BLOC1S5: variants seen among roughly 807,000 people sequenced by gnomAD.
BLOC1S5 encodes the protein biogenesis of lysosomal organelles complex 1 subunit 5, also known as biogenesis of lysosome-related organelles complex 1 subunit 5.
BLOC1S5 carries 27 observed loss-of-function variants against 24.3 expected under a neutral mutation model. That is an observed-to-expected ratio of 1.11 (90% confidence interval 0.82 to 1.53). The LOEUF is 1.53. Ranked by LOEUF, BLOC1S5 falls within the 40% of genes most tolerant of loss-of-function variation. The probability of loss-of-function intolerance (pLI) is 0.00; values close to 1 mark genes in which losing one functional copy is unlikely to be tolerated. For missense variants in BLOC1S5, 239 were observed against 229.4 expected, an observed-to-expected ratio of 1.04 and a Z score of -0.27; for synonymous variants, 84 against 74.5, an observed-to-expected ratio of 1.13 and a Z score of -0.66.
intron 4 of BLOC1S5, 28 bp from the exon 5 acceptor site, chr6:8,015,856 C>T (rs2057185): frequency 0.81 from 1,271,304 of 1,578,272 alleles, 514,846 homozygotes; most frequent in East Asian, 0.97. Flanking sequence ...GAAAGTCACA[C>T]GACATTTTCC....
intron 4 of BLOC1S5, among the ~76,000 whole-genome samples, chr6:8,016,244 T>C (rs1047834220): frequency 1.3e-5 from 2 of 151,884 alleles, no homozygotes; most frequent in African/African-American, 4.8e-5. Context: ...AAGAATCGCC[T>C]GAACCCAGAA....
chr6:8,047,239 GCT>G (rs898684317), intron 2 of BLOC1S5, among the ~76,000 whole-genome samples: 2 of 145,954 alleles, frequency 1.4e-5, no homozygotes, highest in Non-Finnish European at 3.0e-5. Context: ...ACAAGGTCTG[GCT>G]CTGTTTTCTA....
At chr6:8,018,144 T>C (rs1762805345) in intron 4 of BLOC1S5, 1 of 152,236 alleles carries the variant, frequency 6.6e-6, no homozygotes, top group East Asian at 1.9e-4. Flanking sequence ...AGTTTACTCA[T>C]CCAATAAATT....
Position 8,015,806 on chromosome 6 carries a change from G to C in BLOC1S5, c.407C>G (p.Ala136Gly). 1 of 1,611,948 alleles carries C rather than the reference G, an allele frequency of 6.2e-7. No homozygotes were observed. Among genetic ancestry groups the C allele is most frequent in the African/African-American group, 1.3e-5 (1 of 74,866 alleles). The change falls in exon 5 of 5, where the codon GCT (alanine) becomes GGT (glycine). Residue 136 changes from alanine to glycine, a missense_variant. Ala to Gly is a moderately conservative substitution (Grantham distance 60). Transcript: ENST00000397457. The part of the protein sequence containing the change: ...RKKIHSDHLV[A>G]SEKQHMLQWD... ...CTGGAGCATATGCTGTTTCTCACTA[G>C]CTACTAAGTGGTCACTATGAATCTG... is the stretch of plus-strand genomic sequence containing the variant.
intron 2 of BLOC1S5, among the ~76,000 whole-genome samples, chr6:8,044,780 G>C (rs1763821833): frequency 6.6e-6 from 1 of 152,300 alleles, no homozygotes; most frequent in South Asian, 2.1e-4. Context: ...GAACTTGAGA[G>C]AGATCATTGA....
chr6:8,059,197 A>G (rs1002454044), intron 2 of BLOC1S5, among the ~76,000 whole-genome samples: 2 of 152,250 alleles, frequency 1.3e-5, no homozygotes, highest in African/African-American at 4.8e-5. Context: ...ATCTCTGTCC[A>G]TAATGTTCAT....
chr6:8,059,940 T>C (rs991099151), intron 2 of BLOC1S5, among the ~76,000 whole-genome samples: 2 of 152,240 alleles, frequency 1.3e-5, no homozygotes, highest in African/African-American at 2.4e-5. Flanking sequence ...GTCTGTCTTA[T>C]TCACTGGCAT....
intron 4 of BLOC1S5, among the ~76,000 whole-genome samples, chr6:8,023,514 C>T (rs755026192): frequency 6.6e-6 from 1 of 151,666 alleles, no homozygotes; most frequent in Non-Finnish European, 1.5e-5. Context: ...CACTTGAACC[C>T]GGGAGGCAGA....
chr6:8,039,483 T>A (rs1223174534), intron 3 of BLOC1S5, among the ~76,000 whole-genome samples: 1 of 152,146 alleles, frequency 6.6e-6, no homozygotes, highest in Non-Finnish European at 1.5e-5. Context: ...ATATTTAAGG[T>A]GATGAATATG....
At chr6:8,029,972 A>C (rs184159343) in intron 3 of BLOC1S5, among the ~76,000 whole-genome samples, 1 of 152,342 alleles carries the variant, frequency 6.6e-6, no homozygotes, top group African/African-American at 2.4e-5. Flanking sequence ...ATCCACAAGA[A>C]ACAACAGCAA....
At chr6:8,051,968 CCTTT>C (rs1205974656) in intron 2 of BLOC1S5, among the ~76,000 whole-genome samples, 27 of 137,358 alleles carry the variant, frequency 2.0e-4, no homozygotes, top group Non-Finnish European at 3.3e-4. Context: ...AACATCCATG[CCTTT>C]TTTTTTTTTT....
intron 4 of BLOC1S5, among the ~76,000 whole-genome samples, chr6:8,021,726 A>T (rs1762922359): frequency 6.6e-6 from 1 of 152,158 alleles, no homozygotes; most frequent in Non-Finnish European, 1.5e-5. Flanking sequence ...TATGAAGGTA[A>T]ATGTTATATT....
chr6:8,023,447 G>A (rs1302355175), intron 4 of BLOC1S5, among the ~76,000 whole-genome samples: 6 of 152,114 alleles, frequency 3.9e-5, no homozygotes, highest in African/African-American at 9.7e-5. Context: ...AAAATTAGCC[G>A]TGTGTGGTGG....
intron 4 of BLOC1S5, among the ~76,000 whole-genome samples, chr6:8,018,325 T>C: frequency 6.6e-6 from 1 of 152,150 alleles, no homozygotes; most frequent in East Asian, 1.9e-4. Context: ...AAAGAAAAAA[T>C]GCAGATAAAC....
At chr6:8,043,408 T>C (rs1763759231) in intron 2 of BLOC1S5, among the ~76,000 whole-genome samples, 1 of 152,146 alleles carries the variant, frequency 6.6e-6, no homozygotes, top group South Asian at 2.1e-4. Flanking sequence ...GCGATAAGGG[T>C]ACTTCATCTC....
Position 8,032,577 on chromosome 6 carries a change from C to T in BLOC1S5, c.326-6152G>A, listed in dbSNP as rs145365572. 6.3e-4 allele frequency among the ~76,000 whole-genome samples: 96 copies of T among 152,228 alleles called. 1 individual carries two copies. The East Asian group carries it at 0.013, about 21-fold the overall frequency. On this transcript the variant is annotated intron_variant, in intron 3 of 4. Coordinates refer to ENST00000397457, the MANE Select transcript of BLOC1S5 (RefSeq NM_201280.3). ...TTTGAAAACGGGCACAAGACAAGGA[C>T]GCCCTCTCTCACCACTCCTATTCAA...
In BLOC1S5 at chr6:8,064,250, C is replaced by T. The variant is rs1413338975; in HGVS notation, c.112+15G>A. ...GCTGGGATCCACCAGGAACTATAGCCCTGACACTCCGTACCCTTGATAATG... is the reference window on the plus strand; with the variant it reads ...GCTGGGATCCACCAGGAACTATAGCTCTGACACTCCGTACCCTTGATAATG... On this transcript the variant is annotated intron_variant, in intron 1 of 4. Transcript: ENST00000397457. The T allele has an allele frequency of 1.2e-6, 2 of 1,607,408 alleles. No individual in the cohort carries two copies. Among genetic ancestry groups the T allele is most frequent in the African/African-American group, 1.3e-5 (1 of 74,736 alleles).
At chr6:8,050,266 C>G (rs562406316) in intron 2 of BLOC1S5, among the ~76,000 whole-genome samples, 21 of 152,220 alleles carry the variant, frequency 1.4e-4, no homozygotes, top group Admixed American at 7.2e-4. Flanking sequence ...TTACTGTTGT[C>G]ATAGTTTTGG....
intron 3 of BLOC1S5, among the ~76,000 whole-genome samples, chr6:8,031,777 A>G (rs552385963): frequency 6.6e-6 from 1 of 152,338 alleles, no homozygotes; most frequent in East Asian, 1.9e-4. Flanking sequence ...AGGCGCATAG[A>G]CCAATGGAAC....
Sources: gnomAD v4.1 joint callset for allele counts (sites outside exome capture counted in the v4.1 genomes callset) on GRCh38, gnomAD v4.1.1 for gene constraint, MANE v1.5 for transcripts, NCBI Gene and HGNC (gene_info 2026-07-23, HGNC 2026-07-21) for gene names.